DLGAP2: variants seen among roughly 807,000 people sequenced by gnomAD.
DLGAP2 encodes the protein DLG associated protein 2, also known as disks large-associated protein 2.
A neutral mutation model predicts 100.3 loss-of-function variants in DLGAP2; 26 were observed. The observed-to-expected ratio is 0.26, with a 90% CI of 0.19 to 0.36. The LOEUF (loss-of-function observed/expected upper bound fraction) is 0.36. DLGAP2 is among the 10% of genes least tolerant of loss of function. The pLI is 1.00. For synonymous variants in DLGAP2, 886 were observed against 630.1 expected (o/e 1.41, Z -6.08); for missense variants, 1,858 against 1,453.2 (o/e 1.28, Z -4.53).
At chr8:749,422 C>T (rs1032321610) in intron 1 of DLGAP2, among the ~76,000 whole-genome samples, 2 of 152,038 alleles carry the variant, frequency 1.3e-5, no homozygotes, top group African/African-American at 4.8e-5. Flanking sequence ...CAGACTTCTC[C>T]TAATTATTTT....
intron 2 of DLGAP2, among the ~76,000 whole-genome samples, chr8:1,047,373 G>A (rs1261385647): frequency 6.6e-6 from 1 of 151,890 alleles, no homozygotes; most frequent in Non-Finnish European, 1.5e-5. Flanking sequence ...ATTTTTTTTG[G>A]ATTTTGGAAT....
rs867368629 is a variant in DLGAP2, at chr8:1,491,092, A to C, written c.107-10274A>C. ...AACTGGAAACCAAAAAAAAAAAAAA[A>C]CCCAAAAATAAAATCACTTTTCATG... On this transcript the variant is annotated intron_variant, in intron 3 of 14. Coordinates refer to ENST00000637795, the MANE Select transcript of DLGAP2 (RefSeq NM_001346810.2). Among the ~76,000 whole-genome samples the C allele has an allele frequency of 9.9e-3, 1,383 of 139,764 alleles. 36 individuals carry two copies. The highest frequency in any genetic ancestry group is 0.035 in the African/African-American group (1,273 of 36,212). 91.7% of individuals were successfully genotyped at this position (139,764 alleles called of 152,430 possible).
At chr8:1,244,244 C>G (rs11991203) in intron 2 of DLGAP2, among the ~76,000 whole-genome samples, 6,809 of 152,264 alleles carry the variant, frequency 0.045, 534 homozygotes, top group African/African-American at 0.16. Flanking sequence ...CATTTTGCAC[C>G]CTAGTGCCCG....
chr8:1,325,505 C>G (rs1255481709), intron 3 of DLGAP2, among the ~76,000 whole-genome samples: 1 of 152,214 alleles, frequency 6.6e-6, no homozygotes, highest in African/African-American at 2.4e-5. Flanking sequence ...GCGGATTTAT[C>G]TGTAAAAAAC....
chr8:1,385,862 C>T (rs1478112246), intron 3 of DLGAP2, among the ~76,000 whole-genome samples: 1 of 151,944 alleles, frequency 6.6e-6, no homozygotes, highest in East Asian at 2.0e-4. Context: ...GAACTTGGTG[C>T]ACAGTTACCC....
At chr8:1,407,615 A>G (rs1309509255) in intron 3 of DLGAP2, among the ~76,000 whole-genome samples, 5 of 52,780 alleles carry the variant, frequency 9.5e-5, no homozygotes, top group Admixed American at 1.8e-4. Flanking sequence ...CATCCTCCAG[A>G]GTCGTGTATT....
intron 4 of DLGAP2, among the ~76,000 whole-genome samples, chr8:1,529,355 A>T (rs1800906194): frequency 1.3e-5 from 2 of 152,144 alleles, no homozygotes; most frequent in South Asian, 4.2e-4. Flanking sequence ...AGGGATTGTC[A>T]TTGAAGATGA....
chr8:1,170,447 C>T (rs1797105517), intron 2 of DLGAP2, among the ~76,000 whole-genome samples: 1 of 152,136 alleles, frequency 6.6e-6, no homozygotes, highest in African/African-American at 2.4e-5. Flanking sequence ...GGAATAGTTT[C>T]AGAAGCAATG....
intron 2 of DLGAP2, among the ~76,000 whole-genome samples, chr8:968,932 T>C (rs954157460): frequency 4.6e-5 from 7 of 152,184 alleles, no homozygotes; most frequent in Non-Finnish European, 7.4e-5. Context: ...TTGCTGTAAG[T>C]TGTTTCACCT....
intron 1 of DLGAP2, among the ~76,000 whole-genome samples, chr8:879,714 AT>A (rs1434424477): frequency 1.3e-5 from 2 of 151,998 alleles, no homozygotes; most frequent in Non-Finnish European, 2.9e-5. Flanking sequence ...CCATTGTTGA[AT>A]TTTTTCATCA....
At chr8:1,256,180 C>A (rs142230837) in intron 2 of DLGAP2, among the ~76,000 whole-genome samples, 1 of 100,762 alleles carries the variant, frequency 9.9e-6, no homozygotes, top group East Asian at 3.1e-4. Flanking sequence ...CTCATCCTGC[C>A]TGGGTGCTGT....
chr8:1,681,658 G>T (rs934749443), intron 12 of DLGAP2, among the ~76,000 whole-genome samples: 1 of 152,230 alleles, frequency 6.6e-6, no homozygotes, highest in African/African-American at 2.4e-5. Context: ...AAGAAAGAAA[G>T]AAAGAATATC....
intron 2 of DLGAP2, among the ~76,000 whole-genome samples, chr8:998,956 G>A (rs554250880): frequency 6.6e-5 from 10 of 152,160 alleles, no homozygotes; most frequent in Admixed American, 2.0e-4. Context: ...TGAAGGATAC[G>A]TGGGCTGGTT....
rs150066934 is a variant in DLGAP2, at chr8:1,027,254, C to T, written c.73+119288C>T. ...ATTTGTGAATTATGCGTTAATCCAGCACATATTAGTTACACGCCCGTGGTG... is the reference window on the plus strand; with the variant it reads ...ATTTGTGAATTATGCGTTAATCCAGTACATATTAGTTACACGCCCGTGGTG... On this transcript the variant is annotated intron_variant, in intron 2 of 14. Coordinates refer to ENST00000637795, the MANE Select transcript of DLGAP2 (RefSeq NM_001346810.2). Among the ~76,000 whole-genome samples the T allele has an allele frequency of 8.7e-3, 1,321 of 152,346 alleles. 13 individuals carry two copies. Among genetic ancestry groups the T allele is most frequent in the Middle Eastern group, 0.017 (5 of 294 alleles).
intron 3 of DLGAP2, among the ~76,000 whole-genome samples, chr8:1,324,191 T>C (rs1414882189): frequency 1.3e-5 from 2 of 152,210 alleles, no homozygotes; most frequent in African/African-American, 4.8e-5. Context: ...GCTTCAAACA[T>C]GATTCAGTCT....
intron 2 of DLGAP2, among the ~76,000 whole-genome samples, chr8:1,129,785 C>T (rs1796247397): frequency 6.6e-6 from 1 of 152,192 alleles, no homozygotes; most frequent in Admixed American, 6.5e-5. Context: ...GTCCTTGTGG[C>T]AGAGGCCCAC....
intron 6 of DLGAP2, among the ~76,000 whole-genome samples, chr8:1,584,658 G>A (rs943991025): frequency 2.0e-5 from 3 of 152,150 alleles, no homozygotes; most frequent in African/African-American, 7.2e-5. Context: ...AGAAGCTCAG[G>A]CATCTGGGCA....
In DLGAP2 at chr8:1,242,245, G is replaced by T. The variant is rs540360636; in HGVS notation, c.74-16606G>T. On this transcript the variant is annotated intron_variant, in intron 2 of 14. Coordinates refer to ENST00000637795, the MANE Select transcript of DLGAP2 (RefSeq NM_001346810.2). ...CTGAGAGAGGCCTGATGTGTTTGTG[G>T]AAGAGGGGAGGTCGGGGGAAAGGGG... Among the ~76,000 whole-genome samples the T allele has an allele frequency of 3.3e-5, 5 of 152,344 alleles. No homozygotes were observed. In the East Asian group the frequency reaches 9.7e-4, roughly 29 times the overall value.
intron 2 of DLGAP2, among the ~76,000 whole-genome samples, chr8:942,955 C>T (rs186844527): frequency 7.2e-5 from 11 of 152,334 alleles, no homozygotes; most frequent in East Asian, 1.9e-4. Context: ...CAAGGGTGTG[C>T]GGAACACCAT....
Sources: allele counts gnomAD v4.1 joint callset (sites outside exome capture counted in the v4.1 genomes callset), GRCh38; gene constraint gnomAD v4.1.1; transcripts MANE v1.5; gene names NCBI Gene and HGNC (gene_info 2026-07-23, HGNC 2026-07-21).